SIL1: variants seen among roughly 807,000 people sequenced by gnomAD.
The protein encoded by SIL1 is nucleotide exchange factor SIL1.
A neutral mutation model predicts 49.1 loss-of-function variants in SIL1; 40 were observed. The observed-to-expected ratio is 0.81, with a 90% CI of 0.63 to 1.06. The LOEUF (loss-of-function observed/expected upper bound fraction) is 1.06. SIL1 is among the 50% of genes least tolerant of loss of function. The pLI is 0.00. For synonymous variants in SIL1, 253 were observed against 250.8 expected, an observed-to-expected ratio of 1.01 and a Z score of -0.08; for missense variants, 500 against 572.6, an observed-to-expected ratio of 0.87 and a Z score of 1.29.
chr5:139,110,342 T>G (rs559090181), intron 3 of SIL1, among the ~76,000 whole-genome samples: 1 of 152,070 alleles, frequency 6.6e-6, no homozygotes, highest in Non-Finnish European at 1.5e-5. Context: ...ATATTACTAT[T>G]CCTTAAAAAC....
intron 7 of SIL1, among the ~76,000 whole-genome samples, chr5:138,981,416 T>A (rs1326358217): frequency 2.6e-5 from 4 of 152,046 alleles, no homozygotes; most frequent in Non-Finnish European, 5.9e-5. Flanking sequence ...AGAATCCAAC[T>A]ATGGAGGCAT....
chr5:138,979,559 A>C (rs910193747), intron 7 of SIL1, among the ~76,000 whole-genome samples: 1 of 152,154 alleles, frequency 6.6e-6, no homozygotes, highest in African/African-American at 2.4e-5. Flanking sequence ...GCTGGAGTGC[A>C]GTGGCGTGAT....
chr5:139,160,681 T>G (rs1052449401), intron 1 of SIL1, among the ~76,000 whole-genome samples: 11 of 151,160 alleles, frequency 7.3e-5, no homozygotes, highest in Non-Finnish European at 1.5e-4. Flanking sequence ...AATGCAAAAA[T>G]TAGCTGGGTG....
At chr5:138,954,380 T>A (rs1209389827) in intron 7 of SIL1, among the ~76,000 whole-genome samples, 1 of 152,232 alleles carries the variant, frequency 6.6e-6, no homozygotes, top group Non-Finnish European at 1.5e-5. Context: ...CCTGGGCCCA[T>A]GCCCTGCCTG....
intron 1 of SIL1, among the ~76,000 whole-genome samples, chr5:139,160,556 A>C (rs1751491480): frequency 6.6e-6 from 1 of 152,220 alleles, no homozygotes; most frequent in Non-Finnish European, 1.5e-5. Context: ...AAAGGGAGCG[A>C]GGCCAGGTGT....
At chr5:139,050,897 G>A (rs200009767) in intron 4 of SIL1, 41 bp downstream of exon 4, 32 of 1,517,178 alleles carry the variant, frequency 2.1e-5, no homozygotes, top group Middle Eastern at 1.7e-4. Flanking sequence ...CAAAATCAAC[G>A]TTATCACTTA....
chr5:139,062,165 A>G (rs538955752), intron 3 of SIL1, among the ~76,000 whole-genome samples: 1 of 152,162 alleles, frequency 6.6e-6, no homozygotes, highest in Non-Finnish European at 1.5e-5. Context: ...AATAACGTGC[A>G]CAAACCTCTC....
chr5:139,105,069 A>G (rs1770670747), intron 3 of SIL1, among the ~76,000 whole-genome samples: 1 of 152,176 alleles, frequency 6.6e-6, no homozygotes, highest in South Asian at 2.1e-4. Context: ...CTCCGTACAC[A>G]CAGCCTGCCT....
At chr5:138,992,957 T>C (rs1358479526) in intron 7 of SIL1, among the ~76,000 whole-genome samples, 1 of 152,210 alleles carries the variant, frequency 6.6e-6, no homozygotes. Flanking sequence ...AGAGAAACTT[T>C]TTCTTTTGTA....
intron 3 of SIL1, among the ~76,000 whole-genome samples, chr5:139,093,047 A>G (rs559951306): frequency 6.6e-6 from 1 of 152,254 alleles, no homozygotes; most frequent in African/African-American, 2.4e-5. Context: ...TAGCTTCCCA[A>G]CTACATGGAA....
chr5:139,126,081 T>C (rs1010643813), intron 2 of SIL1, among the ~76,000 whole-genome samples: 2 of 152,196 alleles, frequency 1.3e-5, no homozygotes, highest in African/African-American at 2.4e-5. Flanking sequence ...TTCACTGTTG[T>C]GAAGGTGGCT....
chr5:139,055,653 C>T (rs1480333977), intron 3 of SIL1, among the ~76,000 whole-genome samples: 2 of 130,978 alleles, frequency 1.5e-5, no homozygotes, highest in Non-Finnish European at 3.2e-5. Context: ...CCTCTCCCCA[C>T]GGTCTCCCTC....
At chr5:139,072,425 C>CA (rs1769855031) in intron 3 of SIL1, among the ~76,000 whole-genome samples, 1 of 152,070 alleles carries the variant, frequency 6.6e-6, no homozygotes, top group Non-Finnish European at 1.5e-5. Context: ...TGATTTTTGA[C>CA]AAAGGTGCCA....
At chr5:139,128,022 G>A in intron 1 of SIL1, 169 bp from the exon 2 acceptor site, 1 of 645,214 alleles carries the variant, frequency 1.5e-6, no homozygotes, top group Non-Finnish European at 2.9e-6. Flanking sequence ...ATCTACCATG[G>A]TGGGTCCAGC....
At chr5:138,971,674 A>T (rs920683851) in intron 7 of SIL1, among the ~76,000 whole-genome samples, 11 of 152,214 alleles carry the variant, frequency 7.2e-5, no homozygotes, top group Admixed American at 2.6e-4. Context: ...GTTTCACAGG[A>T]TAGCTCTCTA....
At position 139,177,002 on chromosome 5, in the gene SIL1, C is replaced by T. The variant is rs111860152; in HGVS notation, c.-11+21267G>A. On this transcript the variant is annotated intron_variant, in intron 1 of 9. Transcript: ENST00000394817. ...GGCTGGAGTGCAGTGACGCAAGCTTCGCTCACTGCAAGCTCCGCTTTCTGG... is the reference window on the plus strand; with the variant it reads ...GGCTGGAGTGCAGTGACGCAAGCTTTGCTCACTGCAAGCTCCGCTTTCTGG... Among the ~76,000 whole-genome samples, 914 of 134,244 alleles carry T rather than the reference C, an allele frequency of 6.8e-3. 7 individuals are homozygous for T. Among genetic ancestry groups the T allele is most frequent in the Middle Eastern group, 0.018 (3 of 164 alleles). 88.1% of individuals were successfully genotyped at this position (134,244 alleles called of 152,430 possible). A position where few individuals can be genotyped will look rare whatever the true frequency, so the allele number is the denominator to read the frequency against.
intron 1 of SIL1, among the ~76,000 whole-genome samples, chr5:139,182,833 C>T (rs1752014844): frequency 6.6e-6 from 1 of 152,208 alleles, no homozygotes; most frequent in Non-Finnish European, 1.5e-5. Context: ...ACAGCTGTTA[C>T]ATGGTTTAAA....
At chr5:139,182,870 A>G (rs974349574) in intron 1 of SIL1, among the ~76,000 whole-genome samples, 15 of 152,210 alleles carry the variant, frequency 9.9e-5, no homozygotes, top group Non-Finnish European at 1.5e-5. Flanking sequence ...GCTATGACCC[A>G]AAAGCTTGCC....
At chr5:139,143,338 C>CATAT (rs1251442889) in intron 1 of SIL1, among the ~76,000 whole-genome samples, 23 of 84,222 alleles carry the variant, frequency 2.7e-4, no homozygotes, top group African/African-American at 1.4e-3. Context: ...CACACACACA[C>CATAT]ACACACATAT....
Sources: gnomAD v4.1 joint callset for allele counts (sites outside exome capture counted in the v4.1 genomes callset) on GRCh38, gnomAD v4.1.1 for gene constraint, MANE v1.5 for transcripts, NCBI Gene and HGNC (gene_info 2026-07-23, HGNC 2026-07-21) for gene names.